The following ICE1 variants were observed in gnomAD, a reference collection of about 807,000 sequenced individuals.
ICE1 encodes the protein interactor of little elongation complex ELL subunit 1, also known as little elongation complex subunit 1.
In ICE1, 64 loss-of-function variants were observed where a neutral mutation model predicts 192.7. The ratio of observed to expected loss-of-function variants is 0.33; its 90% CI spans 0.27 to 0.41. The LOEUF (loss-of-function observed/expected upper bound fraction) is 0.41. ICE1 is among the 10% of genes least tolerant of loss of function. ICE1 has a pLI of 1.00. For missense variants in ICE1, 2,708 were observed against 2,696.0 expected (o/e 1.00, Z -0.10); for synonymous variants, 1,010 against 984.5 (o/e 1.03, Z -0.49).
intron 6 of ICE1, 100 bp from the exon 7 acceptor site, chr5:5,444,189 C>T: frequency 1.4e-6 from 1 of 738,870 alleles, no homozygotes; most frequent in Non-Finnish European, 2.3e-6. Flanking sequence ...ATTTGTTATA[C>T]AAATATTTGT....
At position 5,444,039 on chromosome 5, in the gene ICE1, C is replaced by A. The variant is rs78673827; in HGVS notation, c.387-250C>A. 2.5e-3 allele frequency among the ~76,000 whole-genome samples: 385 copies of A among 152,210 alleles called. 1 individual carries two copies. The highest frequency in any genetic ancestry group is 9.0e-3 in the African/African-American group (372 of 41,524). On this transcript the variant is annotated intron_variant, in intron 6 of 18. Coordinates refer to ENST00000296564, the MANE Select transcript of ICE1 (RefSeq NM_015325.3). Reference sequence around the variant, plus strand: ...TGCCACTGCAGTTCAGGAAGGGTCCCAGATGTACTCATGGCAGAAATTTGA... The same window carrying A: ...TGCCACTGCAGTTCAGGAAGGGTCCAAGATGTACTCATGGCAGAAATTTGA...
intron 15 of ICE1, among the ~76,000 whole-genome samples, chr5:5,472,216 A>C (rs1408276359): frequency 6.6e-6 from 1 of 152,210 alleles, no homozygotes; most frequent in Non-Finnish European, 1.5e-5. Flanking sequence ...CAAATCTAAT[A>C]AGCATAATCT....
intron 1 of ICE1, among the ~76,000 whole-genome samples, chr5:5,432,715 G>C (rs1737757759): frequency 6.6e-6 from 1 of 152,136 alleles, no homozygotes; most frequent in African/African-American, 2.4e-5. Context: ...TTATTCTAGA[G>C]TGTTCATTTT....
intron 14 of ICE1, among the ~76,000 whole-genome samples, chr5:5,466,979 A>G (rs1358174172): frequency 1.3e-5 from 2 of 152,214 alleles, no homozygotes; most frequent in South Asian, 2.1e-4. Flanking sequence ...CTAGTGGATC[A>G]GACTGGGAAT....
At chr5:5,458,881 C>CT (rs1048139601) in intron 12 of ICE1, among the ~76,000 whole-genome samples, 100 of 151,316 alleles carry the variant, frequency 6.6e-4, no homozygotes, top group Middle Eastern at 3.4e-3. Context: ...AATATTTTTT[C>CT]TTTTTTTTTG....
rs148405170 is a variant in ICE1, at chr5:5,439,713, AACTC to A, written c.179-180_179-177del. Among the ~76,000 whole-genome samples the A allele has an allele frequency of 1.3e-3, 198 of 152,342 alleles. 8 individuals are homozygous for A. The East Asian group carries it at 0.036, about 28-fold the overall frequency. On this transcript the variant is annotated intron_variant, in intron 3 of 18. Coordinates refer to ENST00000296564, the MANE Select transcript of ICE1 (RefSeq NM_015325.3). ...ACATGTTATTATGGTAAATGGAAAT[AACTC>A]AGTAAAAAGACTTACCACTGTGTTT...
chr5:5,459,777 G>A (rs1579561412), intron 12 of ICE1, among the ~76,000 whole-genome samples: 1 of 152,156 alleles, frequency 6.6e-6, no homozygotes, highest in African/African-American at 2.4e-5. Flanking sequence ...CACGCCAAGT[G>A]GGCCACATGC....
chr5:5,481,277 TTAAAA>T (rs1324046057), intron 17 of ICE1, among the ~76,000 whole-genome samples: 3 of 151,990 alleles, frequency 2.0e-5, no homozygotes, highest in Non-Finnish European at 4.4e-5. Flanking sequence ...AAGTCACACT[TTAAAA>T]TATGGTGATT....
At chr5:5,481,762 G>A (rs1185482413) in intron 17 of ICE1, among the ~76,000 whole-genome samples, 1 of 152,164 alleles carries the variant, frequency 6.6e-6, no homozygotes, top group Non-Finnish European at 1.5e-5. Flanking sequence ...TTGTTTTCCT[G>A]TACCCTTTCT....
rs1194698536 is a variant in ICE1, at chr5:5,466,417, C to G, written c.5976C>G (p.Ala1992=). ...KISMDHNYIH[A]LCRVYVGICR... ...CTATGGACCACAATTACATTCACGCCCTCTGCAGGGTGTATGTGGGTATTT... is the reference window on the plus strand; with the variant it reads ...CTATGGACCACAATTACATTCACGCGCTCTGCAGGGTGTATGTGGGTATTT... The change falls in exon 14 of 19, where the codon GCC becomes GCG. Residue 1992 remains alanine (A), a synonymous_variant. Coordinates refer to ENST00000296564, the MANE Select transcript of ICE1 (RefSeq NM_015325.3). 1.2e-6 allele frequency: 2 copies of G among 1,613,060 alleles called. No homozygotes were observed. Among genetic ancestry groups the G allele is most frequent in the South Asian group, 2.2e-5 (2 of 90,986 alleles).
chr5:5,486,687 C>G (rs766455178), intron 17 of ICE1, 34 bp from the exon 18 acceptor site: 9 of 1,378,252 alleles, frequency 6.5e-6, no homozygotes, highest in Non-Finnish European at 8.1e-6. Flanking sequence ...CAACATTTAA[C>G]TGGACTGTTT....
Position 5,466,473 on chromosome 5 carries a change from G to A in ICE1, c.6032G>A (p.Arg2011His), listed in dbSNP as rs1043116639. 6 of 1,611,364 alleles carry A rather than the reference G, an allele frequency of 3.7e-6. No homozygotes were observed. The highest frequency in any genetic ancestry group is 1.7e-5 in the Admixed American group (1 of 59,390). The change falls in exon 14 of 19, where the codon CGT (arginine) becomes CAT (histidine). Residue 2011 changes from arginine to histidine, a missense_variant. By Grantham distance (29) the Arg-to-His change is conservative (BLOSUM62 0). This residue lies in a region of ICE1 where 342 missense variants were observed against 419.3 expected (regional missense o/e 0.82). Transcript: ENST00000296564. ...CAACTCGGAGACTTGGAAAGAGCTCGTTTGTTTTGCTACAGCCTACTTAAA... is the reference window on the plus strand; with the variant it reads ...CAACTCGGAGACTTGGAAAGAGCTCATTTGTTTTGCTACAGCCTACTTAAA... ...CRQLGDLERA[R>H]LFCYSLLKED... is the part of the protein sequence containing the mutation.
chr5:5,433,492 A>G (rs144143430), intron 1 of ICE1, among the ~76,000 whole-genome samples: 49 of 152,130 alleles, frequency 3.2e-4, no homozygotes, highest in African/African-American at 1.0e-3. Flanking sequence ...TCTGCTTTCC[A>G]GTTTCCGTTT....
intron 17 of ICE1, among the ~76,000 whole-genome samples, chr5:5,483,139 C>T (rs1361485061): frequency 2.6e-5 from 4 of 151,950 alleles, no homozygotes; most frequent in Non-Finnish European, 4.4e-5. Context: ...TACAGGCATG[C>T]GCCACCATGC....
intron 17 of ICE1, among the ~76,000 whole-genome samples, chr5:5,482,169 T>TA (rs999614658): frequency 2.6e-5 from 4 of 152,268 alleles, no homozygotes; most frequent in Admixed American, 6.5e-5. Context: ...ATATGGCTTG[T>TA]AATTTTGTTC....
chr5:5,442,823 C>T (rs770457192), intron 5 of ICE1, among the ~76,000 whole-genome samples: 18 of 152,050 alleles, frequency 1.2e-4, no homozygotes, highest in Non-Finnish European at 2.2e-4. Context: ...CTAGCAATAC[C>T]GTTAGCTCAT....
At chr5:5,447,578 T>C in intron 8 of ICE1, 69 bp downstream of exon 8, 2 of 1,395,124 alleles carry the variant, frequency 1.4e-6, no homozygotes, top group Non-Finnish European at 2.0e-6. Flanking sequence ...TGTCTCTGTG[T>C]TGTAACTCAC....
intron 1 of ICE1, among the ~76,000 whole-genome samples, chr5:5,436,195 C>T (rs1737868448): frequency 6.6e-6 from 1 of 152,108 alleles, no homozygotes; most frequent in African/African-American, 2.4e-5. Flanking sequence ...AGCATATTTA[C>T]AACTAACTAC....
intron 1 of ICE1, among the ~76,000 whole-genome samples, chr5:5,425,671 G>A (rs1040456136): frequency 2.0e-4 from 30 of 152,180 alleles, no homozygotes; most frequent in African/African-American, 5.1e-4. Flanking sequence ...ATAAATTCTT[G>A]TACTTATTTC....
Sources: allele counts gnomAD v4.1 joint callset (sites outside exome capture counted in the v4.1 genomes callset), GRCh38; gene constraint gnomAD v4.1.1; regional missense constraint gnomAD v4.1.1; transcripts MANE v1.5; gene names NCBI Gene and HGNC (gene_info 2026-07-23, HGNC 2026-07-21).